The following GALNT13 variants were observed in gnomAD, a reference collection of about 807,000 sequenced individuals.
GALNT13 encodes UDP-GalNAc:polypeptide N-acetylgalactosaminyltransferase 13.
In GALNT13, 28 loss-of-function variants were observed where a neutral mutation model predicts 64.2. The ratio of observed to expected loss-of-function variants is 0.44; its 90% CI spans 0.32 to 0.60. The LOEUF (loss-of-function observed/expected upper bound fraction) is 0.60. Ranked by LOEUF, GALNT13 falls within the 20% of genes least tolerant of loss-of-function variation. The pLI is 0.05. For missense variants in GALNT13, 577 were observed against 669.8 expected (o/e 0.86, Z 1.53); for synonymous variants, 214 against 224.6 (o/e 0.95, Z 0.42).
chr2:153,249,994 A>G, the GALNT13 span, among the ~76,000 whole-genome samples: 1 of 152,214 alleles, frequency 6.6e-6, no homozygotes, highest in Non-Finnish European at 1.5e-5. Context: ...TTTCATGAAT[A>G]AAACACAAAA....
intron 9 of GALNT13, among the ~76,000 whole-genome samples, chr2:154,388,904 T>C (rs1698645328): frequency 6.6e-6 from 1 of 152,198 alleles, no homozygotes; most frequent in African/African-American, 2.4e-5. Context: ...TAACAAACTT[T>C]ATAATCAACT....
the GALNT13 span, among the ~76,000 whole-genome samples, chr2:153,742,455 TTGTTACA>T: frequency 6.6e-6 from 1 of 152,158 alleles, no homozygotes. Context: ...ATATGCAGGC[TTGTTACA>T]TGTATACAAT....
the GALNT13 span, among the ~76,000 whole-genome samples, chr2:153,377,636 C>T: frequency 6.6e-6 from 1 of 152,140 alleles, no homozygotes; most frequent in Non-Finnish European, 1.5e-5. Context: ...GAGACCCTCA[C>T]CAGAAGATAA....
intron 4 of GALNT13, among the ~76,000 whole-genome samples, chr2:154,208,553 G>C (rs956972142): frequency 1.3e-5 from 2 of 151,786 alleles, no homozygotes; most frequent in Non-Finnish European, 2.9e-5. Context: ...AAATTCAACA[G>C]AGATCTGTTT....
chr2:153,237,170 G>A, the GALNT13 span, among the ~76,000 whole-genome samples: 1 of 151,966 alleles, frequency 6.6e-6, no homozygotes, highest in Non-Finnish European at 1.5e-5. Flanking sequence ...TGCTTCTTAT[G>A]GATGAGCAAA....
At chr2:154,011,626 G>A (rs1006664223) in intron 3 of GALNT13, among the ~76,000 whole-genome samples, 3 of 152,090 alleles carry the variant, frequency 2.0e-5, no homozygotes, top group Admixed American at 1.3e-4. Flanking sequence ...GGATATTTTT[G>A]TTAGTTTTCT....
rs188304017 is a variant in GALNT13, at chr2:154,006,053, A to G, written c.142+61414A>G. Among the ~76,000 whole-genome samples, 469 of 152,310 alleles carry G rather than the reference A, an allele frequency of 3.1e-3. 1 individual carries two copies. The highest frequency in any genetic ancestry group is 4.4e-3 in the Non-Finnish European group (301 of 68,032). ...AGTAGGCACACAAAATATCTTCCAC[A>G]TATTTGGATGTTAATGATAAAGAGA... is the stretch of plus-strand genomic sequence containing the variant. On this transcript the variant is annotated intron_variant, in intron 3 of 12. Coordinates refer to ENST00000392825, the MANE Select transcript of GALNT13 (RefSeq NM_052917.4).
the GALNT13 span, among the ~76,000 whole-genome samples, chr2:153,586,479 T>C: frequency 1.3e-4 from 20 of 152,142 alleles, no homozygotes; most frequent in African/African-American, 4.6e-4. Flanking sequence ...ATGAAGGGAT[T>C]AATTCAGCAA....
At chr2:153,576,136 A>G in the GALNT13 span, among the ~76,000 whole-genome samples, 1 of 151,612 alleles carries the variant, frequency 6.6e-6, no homozygotes, top group African/African-American at 2.4e-5. Flanking sequence ...AAGATGCAAG[A>G]TAATGCCCTC....
chr2:153,743,056 GA>G, the GALNT13 span, among the ~76,000 whole-genome samples: 3 of 82,682 alleles, frequency 3.6e-5, no homozygotes, highest in Non-Finnish European at 6.8e-5. Context: ...AGGGGGAGGG[GA>G]AAGGAGAGGG....
At chr2:153,551,899 T>C in the GALNT13 span, among the ~76,000 whole-genome samples, 8 of 152,240 alleles carry the variant, frequency 5.3e-5, no homozygotes, top group East Asian at 1.4e-3. Flanking sequence ...ATTCAGTTAG[T>C]GTAGACAGGA....
At chr2:153,746,670 T>C in the GALNT13 span, among the ~76,000 whole-genome samples, 1 of 152,150 alleles carries the variant, frequency 6.6e-6, no homozygotes, top group Non-Finnish European at 1.5e-5. Flanking sequence ...CCGTAGGTTA[T>C]ACTTATGTTA....
intron 4 of GALNT13, among the ~76,000 whole-genome samples, chr2:154,234,879 C>G (rs1047669489): frequency 6.6e-6 from 1 of 151,870 alleles, no homozygotes; most frequent in Non-Finnish European, 1.5e-5. Context: ...AAAGAATCCC[C>G]TAGTCTATTG....
At chr2:154,300,099 CT>C (rs368475927) in intron 8 of GALNT13, among the ~76,000 whole-genome samples, 1,177 of 117,024 alleles carry the variant, frequency 0.01, 21 homozygotes, top group African/African-American at 0.035. Context: ...TTCTTTCTCT[CT>C]TTTTTTTTTT....
the GALNT13 span, among the ~76,000 whole-genome samples, chr2:153,549,235 G>A: frequency 2.0e-4 from 31 of 152,278 alleles, no homozygotes; most frequent in African/African-American, 7.5e-4. Flanking sequence ...AACTGCACAC[G>A]TTAAAATGGG....
At chr2:154,109,520 G>C in intron 3 of GALNT13, among the ~76,000 whole-genome samples, 1 of 151,870 alleles carries the variant, frequency 6.6e-6, no homozygotes, top group Non-Finnish European at 1.5e-5. Flanking sequence ...GTTTAATAGA[G>C]GTGGTAAGAG....
the GALNT13 span, among the ~76,000 whole-genome samples, chr2:153,201,518 A>C: frequency 6.6e-6 from 1 of 152,308 alleles, no homozygotes; most frequent in South Asian, 2.1e-4. Context: ...GTTAGTAGAA[A>C]GATTCTATGC....
chr2:153,301,127 T>C, the GALNT13 span, among the ~76,000 whole-genome samples: 197 of 151,654 alleles, frequency 1.3e-3, 5 homozygotes, highest in East Asian at 0.036. Flanking sequence ...GCCCAGGAGG[T>C]TGAGGCTGGA....
At chr2:153,761,366 T>C in the GALNT13 span, 1 of 152,166 alleles carries the variant, frequency 6.6e-6, no homozygotes, top group African/African-American at 2.4e-5. Context: ...CAATAGCAGG[T>C]AGTGAACACA....
Sources: allele counts gnomAD v4.1 joint callset (sites outside exome capture counted in the v4.1 genomes callset), GRCh38; gene constraint gnomAD v4.1.1; transcripts MANE v1.5; gene names NCBI Gene and HGNC (gene_info 2026-07-23, HGNC 2026-07-21).